Variants in LCOR observed in about 807,000 individuals in gnomAD.
LCOR encodes the protein ligand dependent nuclear receptor corepressor, also known as ligand-dependent corepressor.
LCOR carries 14 observed loss-of-function variants against 64.4 expected under a neutral mutation model. The ratio of observed to expected loss-of-function variants is 0.22; its 90% confidence interval spans 0.14 to 0.34. The LOEUF is 0.34. LCOR is among the 10% of genes least tolerant of loss of function. LCOR has a pLI of 1.00. For synonymous variants in LCOR, 643 were observed against 642.5 expected (o/e 1.00, Z -0.01); for missense variants, 1,686 against 1,765.3 (o/e 0.96, Z 0.80).
At chr10:96,834,597 CAA>C (rs1845409353) in intron 2 of LCOR, among the ~76,000 whole-genome samples, 2 of 152,102 alleles carry the variant, frequency 1.3e-5, no homozygotes, top group African/African-American at 4.8e-5. Flanking sequence ...GGGTTAGTAT[CAA>C]ATGCTGGAAT....
intron 2 of LCOR, among the ~76,000 whole-genome samples, chr10:96,877,552 A>G (rs1300743556): frequency 2.1e-5 from 3 of 141,676 alleles, no homozygotes; most frequent in African/African-American, 7.9e-5. Flanking sequence ...AAAATAACTT[A>G]TTGATCATCT....
At chr10:96,840,522 G>A (rs1467131036) in intron 2 of LCOR, among the ~76,000 whole-genome samples, 1 of 152,168 alleles carries the variant, frequency 6.6e-6, no homozygotes, top group Non-Finnish European at 1.5e-5. Flanking sequence ...TGTAACTAGG[G>A]TTTAGACTAA....
At chr10:96,943,993 A>G (rs540724764) in intron 4 of LCOR, 120 bp from the exon 5 acceptor site, 69 of 513,058 alleles carry the variant, frequency 1.3e-4, no homozygotes, top group Non-Finnish European at 1.7e-4. Flanking sequence ...GAAGTTTTAA[A>G]ATATTTTAAT....
At chr10:96,903,161 C>A (rs1382910619) in intron 2 of LCOR, among the ~76,000 whole-genome samples, 1 of 152,126 alleles carries the variant, frequency 6.6e-6, no homozygotes, top group Non-Finnish European at 1.5e-5. Flanking sequence ...CTGGAAGTTG[C>A]TCTGAGTGAG....
intron 2 of LCOR, among the ~76,000 whole-genome samples, chr10:96,855,468 C>T (rs1454827638): frequency 1.3e-5 from 2 of 151,696 alleles, no homozygotes; most frequent in Non-Finnish European, 2.9e-5. Flanking sequence ...GAGTTTCGCT[C>T]TTGTTGCCCA....
chr10:96,841,118 T>C (rs1292261022), intron 2 of LCOR, among the ~76,000 whole-genome samples: 3 of 152,184 alleles, frequency 2.0e-5, no homozygotes, highest in Non-Finnish European at 2.9e-5. Flanking sequence ...TACTCTAGCC[T>C]GAGGGACAGA....
At chr10:96,936,065 CCT>C (rs1311052498) in intron 4 of LCOR, among the ~76,000 whole-genome samples, 5 of 152,212 alleles carry the variant, frequency 3.3e-5, no homozygotes, top group African/African-American at 1.2e-4. Context: ...CTGAGATTCC[CCT>C]GTTAGACGTT....
chr10:96,850,142 A>G (rs1845700895), intron 2 of LCOR, among the ~76,000 whole-genome samples: 1 of 152,220 alleles, frequency 6.6e-6, no homozygotes, highest in South Asian at 2.1e-4. Context: ...GAAGTTAGTA[A>G]AAAATAGAAA....
intron 2 of LCOR, among the ~76,000 whole-genome samples, chr10:96,873,576 G>A (rs1222664051): frequency 1.2e-3 from 86 of 70,580 alleles, no homozygotes; most frequent in African/African-American, 8.8e-3. Context: ...ACACACGTGT[G>A]TGTGTGTGTG....
chr10:96,941,313 G>T (rs1411163042), intron 4 of LCOR, among the ~76,000 whole-genome samples: 35 of 131,936 alleles, frequency 2.7e-4, no homozygotes, highest in South Asian at 4.8e-4. Context: ...CCTCCCGGAC[G>T]GGGCGGCTGG....
chr10:96,955,386 C>T, intron 7 of LCOR: 1 of 1,614,152 alleles, frequency 6.2e-7, no homozygotes, highest in Non-Finnish European at 8.5e-7. Context: ...TTTAAAGATA[C>T]CACAAGTTCG....
At chr10:96,872,907 A>G (rs1846096163) in intron 2 of LCOR, among the ~76,000 whole-genome samples, 2 of 152,136 alleles carry the variant, frequency 1.3e-5, no homozygotes, top group African/African-American at 4.8e-5. Flanking sequence ...ATTTTTTATT[A>G]AAACAGTAAC....
intron 2 of LCOR, among the ~76,000 whole-genome samples, chr10:96,902,165 A>G (rs916397569): frequency 6.6e-6 from 1 of 151,700 alleles, no homozygotes; most frequent in Non-Finnish European, 1.5e-5. Context: ...CCTGGCCTCA[A>G]TAAAAATACT....
chr10:96,978,851 C>T (rs891792173), intron 7 of LCOR, among the ~76,000 whole-genome samples: 2 of 152,210 alleles, frequency 1.3e-5, no homozygotes, highest in East Asian at 3.8e-4. Flanking sequence ...AGCACCTGCC[C>T]TTTTGTGCTT....
chr10:96,891,920 G>A (rs1474329299), intron 2 of LCOR, among the ~76,000 whole-genome samples: 1 of 152,044 alleles, frequency 6.6e-6, no homozygotes, highest in Non-Finnish European at 1.5e-5. Context: ...CAGTTTTCCT[G>A]TTAGTGATTT....
chr10:96,921,468 T>C (rs1161375604), intron 4 of LCOR, among the ~76,000 whole-genome samples: 1 of 152,108 alleles, frequency 6.6e-6, no homozygotes. Flanking sequence ...TAATTTTAAT[T>C]TTTATTTTTT....
intron 4 of LCOR, among the ~76,000 whole-genome samples, chr10:96,925,143 T>G (rs1390469795): frequency 2.0e-5 from 3 of 152,130 alleles, no homozygotes; most frequent in African/African-American, 7.2e-5. Context: ...TGGTGCAATC[T>G]GGGCTCACAG....
At chr10:96,965,693 A>G (rs1847942819) in intron 7 of LCOR, among the ~76,000 whole-genome samples, 1 of 149,612 alleles carries the variant, frequency 6.7e-6, no homozygotes, top group African/African-American at 2.5e-5. Flanking sequence ...AAGACGGGCT[A>G]TCTAGCTGTT....
intron 4 of LCOR, among the ~76,000 whole-genome samples, chr10:96,908,809 G>A (rs1331589141): frequency 2.0e-5 from 3 of 151,624 alleles, no homozygotes; most frequent in South Asian, 2.1e-4. Context: ...TCCCCCCTCC[G>A]GGTTTACGCC....
Sources: allele counts gnomAD v4.1 joint callset (sites outside exome capture counted in the v4.1 genomes callset), GRCh38; gene constraint gnomAD v4.1.1; transcripts MANE v1.5; gene names NCBI Gene and HGNC (gene_info 2026-07-23, HGNC 2026-07-21).